KLC1: variants seen among roughly 807,000 people sequenced by gnomAD.
KLC1 encodes the protein kinesin 2 60/70kDa.
KLC1 carries 30 observed loss-of-function variants against 84.2 expected under a neutral mutation model. The ratio of observed to expected loss-of-function variants is 0.36; its 90% CI spans 0.27 to 0.48. The LOEUF is 0.48. Ranked by LOEUF, KLC1 falls within the 20% of genes least tolerant of loss-of-function variation. The probability of loss-of-function intolerance (pLI) is 0.99; values close to 1 mark genes in which losing one functional copy is unlikely to be tolerated. For missense variants in KLC1, 499 were observed against 805.4 expected (o/e 0.62, Z 4.60); for synonymous variants, 289 against 293.3 (o/e 0.99, Z 0.15).
At position 103,694,955 on chromosome 14, in the gene KLC1, C is replaced by T; in HGVS notation, c.1848+2530C>T. The stretch of plus-strand genomic sequence containing the variant: ...AGCTCCGTGTAGTCGCCAGCGGGTG[C>T]CTGGCCCAGGAGCTGCCCTGTGGAG... On this transcript the variant is annotated intron_variant, in intron 15 of 16. Coordinates refer to ENST00000334553, the MANE Select transcript of KLC1 (RefSeq NM_001394837.1). The surrounding 1 kb of genome is among the most constrained non-coding windows in gnomAD (Gnocchi z 4.5). 2 of 985,436 alleles carry T rather than the reference C, an allele frequency of 2.0e-6. No individual in the cohort carries two copies. Among genetic ancestry groups the T allele is most frequent in the Admixed American group, 6.1e-5 (1 of 16,280 alleles). 61.0% of individuals were successfully genotyped at this position (985,436 alleles called of 1,614,324 possible). A position where few individuals can be genotyped will look rare whatever the true frequency, so the allele number is the denominator to read the frequency against.
chr14:103,630,425 G>C (rs2151219219), intron 1 of KLC1, among the ~76,000 whole-genome samples: 1 of 152,268 alleles, frequency 6.6e-6, no homozygotes, highest in South Asian at 2.1e-4. Flanking sequence ...TTACAAAAAT[G>C]ATGTTTTTTA....
intron 1 of KLC1, 81 bp from the exon 2 acceptor site, chr14:103,654,483 A>C: frequency 8.4e-7 from 1 of 1,192,976 alleles, no homozygotes; most frequent in African/African-American, 1.5e-5. Context: ...ATGTTAATTA[A>C]AAAATTTTCA....
intron 14 of KLC1, among the ~76,000 whole-genome samples, chr14:103,688,716 G>A (rs1439954027): frequency 1.3e-5 from 2 of 152,158 alleles, no homozygotes; most frequent in Non-Finnish European, 2.9e-5. Flanking sequence ...CGTGGCTTTT[G>A]TAAGGAGCTT....
At chr14:103,640,041 C>T (rs2077364733) in intron 1 of KLC1, among the ~76,000 whole-genome samples, 1 of 152,174 alleles carries the variant, frequency 6.6e-6, no homozygotes, top group South Asian at 2.1e-4. Context: ...AGGCGTGAGC[C>T]ACTGAGTCAG....
At chr14:103,638,909 G>T (rs972638754) in intron 1 of KLC1, among the ~76,000 whole-genome samples, 10 of 152,078 alleles carry the variant, frequency 6.6e-5, no homozygotes, top group African/African-American at 2.4e-4. Flanking sequence ...GGGTGTGTGT[G>T]TGTGTGTGCG....
At chr14:103,671,829 A>G (rs1298538892) in intron 7 of KLC1, among the ~76,000 whole-genome samples, 1 of 152,272 alleles carries the variant, frequency 6.6e-6, no homozygotes. Context: ...GTCAATCTGC[A>G]TGATATTTCT....
intron 1 of KLC1, among the ~76,000 whole-genome samples, chr14:103,638,617 A>G (rs1282256008): frequency 1.4e-5 from 2 of 147,784 alleles, no homozygotes; most frequent in East Asian, 2.0e-4. Context: ...ACCAAAGATG[A>G]TGCCCTTTGC....
At chr14:103,687,914 G>A (rs2081880790) in intron 14 of KLC1, 1 of 152,168 alleles carries the variant, frequency 6.6e-6, no homozygotes, top group African/African-American at 2.4e-5. Context: ...CTCCTGGCTT[G>A]GACGTATTTC....
chr14:103,653,006 T>G (rs576601597), intron 1 of KLC1, among the ~76,000 whole-genome samples: 129 of 152,342 alleles, frequency 8.5e-4, no homozygotes, highest in African/African-American at 3.1e-3. Context: ...ATATATAGTC[T>G]GTATCTGCTG....
At chr14:103,690,915 A>C (rs756267124) in intron 14 of KLC1, among the ~76,000 whole-genome samples, 7 of 152,248 alleles carry the variant, frequency 4.6e-5, no homozygotes, top group African/African-American at 1.4e-4. Context: ...TTTGCTTTCT[A>C]AGTAGAAAAA....
At chr14:103,674,340 G>T (rs980140554) in intron 9 of KLC1, among the ~76,000 whole-genome samples, 1 of 151,818 alleles carries the variant, frequency 6.6e-6, no homozygotes, top group African/African-American at 2.4e-5. Flanking sequence ...CATAGCATGG[G>T]TCTGTTGGTT....
At chr14:103,661,312 C>A (rs1049991454) in intron 3 of KLC1, among the ~76,000 whole-genome samples, 1 of 152,180 alleles carries the variant, frequency 6.6e-6, no homozygotes, top group Non-Finnish European at 1.5e-5. Context: ...GTGGCCGTCA[C>A]ATCTGTTGAG....
intron 15 of KLC1, chr14:103,698,328 G>A (rs1262850369): frequency 3.6e-5 from 7 of 192,538 alleles, no homozygotes; most frequent in Non-Finnish European, 7.6e-5. Flanking sequence ...GGCCTGAGTG[G>A]TGGGGGAGTA....
At chr14:103,699,029 G>A (rs2082844731) in intron 15 of KLC1, 2 of 1,577,224 alleles carry the variant, frequency 1.3e-6, no homozygotes, top group African/African-American at 1.4e-5. Context: ...TGAGAAACAG[G>A]AAGCAGGCAA....
At chr14:103,681,514 C>T (rs1414055436) in intron 13 of KLC1, among the ~76,000 whole-genome samples, 1 of 152,026 alleles carries the variant, frequency 6.6e-6, no homozygotes, top group Non-Finnish European at 1.5e-5. Context: ...GGCTGGAGTG[C>T]AGTCACGCTA....
In KLC1 at chr14:103,694,608, G is replaced by C; in HGVS notation, c.1848+2183G>C. 1.0e-6 allele frequency: 1 copy of C among 985,486 alleles called. No homozygotes were observed. The highest frequency in any genetic ancestry group is 1.2e-6 in the Non-Finnish European group (1 of 829,948). 61.0% of individuals were successfully genotyped at this position (985,486 alleles called of 1,614,324 possible). A position where few individuals can be genotyped will look rare whatever the true frequency, so the allele number is the denominator to read the frequency against. On this transcript the variant is annotated intron_variant, in intron 15 of 16. Coordinates refer to ENST00000334553, the MANE Select transcript of KLC1 (RefSeq NM_001394837.1). This position sits in a 1 kb window ranked among gnomAD's most constrained non-coding sequence, Gnocchi z 4.5. The stretch of plus-strand genomic sequence containing the variant: ...CAAAACAGACGCCGAGGTGATCAGT[G>C]ATTCCAAAGGCTGACGCTCAGCAGC...
At chr14:103,666,262 A>C (rs1322294124) in intron 5 of KLC1, among the ~76,000 whole-genome samples, 1 of 151,974 alleles carries the variant, frequency 6.6e-6, no homozygotes, top group African/African-American at 2.4e-5. Context: ...ACGGAGTTTC[A>C]CCATGTTAGC....
At chr14:103,665,367 T>G (rs777857569) in intron 5 of KLC1, among the ~76,000 whole-genome samples, 2 of 151,618 alleles carry the variant, frequency 1.3e-5, no homozygotes, top group Non-Finnish European at 2.9e-5. Context: ...CAGGATGGAT[T>G]GATTGATTTC....
At chr14:103,652,260 G>C (rs1001263600) in intron 1 of KLC1, among the ~76,000 whole-genome samples, 4 of 152,112 alleles carry the variant, frequency 2.6e-5, no homozygotes, top group African/African-American at 4.8e-5. Context: ...AATCTTGTTT[G>C]TTGAAAACTG....
Sources: allele counts gnomAD v4.1 joint callset (sites outside exome capture counted in the v4.1 genomes callset), GRCh38; gene constraint gnomAD v4.1.1; non-coding constraint Gnocchi (gnomAD v3.1); transcripts MANE v1.5; gene names NCBI Gene and HGNC (gene_info 2026-07-23, HGNC 2026-07-21).